The following XRCC4 variants were observed in gnomAD, a reference collection of about 807,000 sequenced individuals.
The protein encoded by XRCC4 is DNA repair protein XRCC4.
In XRCC4, 28 loss-of-function variants were observed where a neutral mutation model predicts 39.1. The observed-to-expected ratio is 0.72, with a 90% CI of 0.53 to 0.98. The LOEUF is 0.98. XRCC4 is among the 50% of genes least tolerant of loss of function. The pLI, the probability that XRCC4 is intolerant of heterozygous loss-of-function variation, is 0.00. For synonymous variants in XRCC4, 123 were observed against 126.4 expected (o/e 0.97, Z 0.18); for missense variants, 350 against 376.4 (o/e 0.93, Z 0.58).
intron 3 of XRCC4, among the ~76,000 whole-genome samples, chr5:83,142,730 A>C (rs1048753476): frequency 2.0e-5 from 3 of 152,186 alleles, no homozygotes; most frequent in African/African-American, 7.2e-5. Context: ...TACATCAGCA[A>C]AAGGAACCCG....
At chr5:83,131,728 G>A (rs1237707760) in intron 3 of XRCC4, among the ~76,000 whole-genome samples, 1 of 150,806 alleles carries the variant, frequency 6.6e-6, no homozygotes, top group Non-Finnish European at 1.5e-5. Context: ...TTTTCCATTT[G>A]CTTGGTGGAT....
intron 7 of XRCC4, among the ~76,000 whole-genome samples, chr5:83,315,924 T>G (rs993251432): frequency 2.6e-5 from 4 of 152,194 alleles, no homozygotes; most frequent in African/African-American, 4.8e-5. Context: ...AATTACATTT[T>G]GTAAGGCTAC....
intron 1 of XRCC4, among the ~76,000 whole-genome samples, chr5:83,078,221 T>C (rs1420189146): frequency 6.6e-6 from 1 of 152,240 alleles, no homozygotes; most frequent in Non-Finnish European, 1.5e-5. Context: ...ATTTTAATTA[T>C]CCCATTAGGT....
chr5:83,274,257 A>G (rs1476331290), intron 7 of XRCC4, among the ~76,000 whole-genome samples: 1 of 152,206 alleles, frequency 6.6e-6, no homozygotes, highest in African/African-American at 2.4e-5. Flanking sequence ...AAATTACACT[A>G]CAAAAGCATT....
intron 7 of XRCC4, among the ~76,000 whole-genome samples, chr5:83,339,538 G>A (rs1012754756): frequency 3.9e-5 from 6 of 151,932 alleles, no homozygotes; most frequent in Non-Finnish European, 1.5e-5. Flanking sequence ...ATGACTAGTT[G>A]ATGGGTGCGG....
intron 7 of XRCC4, among the ~76,000 whole-genome samples, chr5:83,276,385 A>T (rs377724156): frequency 1.3e-5 from 2 of 148,510 alleles, no homozygotes; most frequent in African/African-American, 4.9e-5. Flanking sequence ...GAGAGGTGAG[A>T]CCTTTAAGAG....
intron 7 of XRCC4, among the ~76,000 whole-genome samples, chr5:83,292,677 T>C (rs35268): frequency 0.18 from 27,470 of 151,896 alleles, 2,729 homozygotes; most frequent in African/African-American, 0.25. Context: ...TTCTCACTGT[T>C]ACAGGCTAGT....
intron 3 of XRCC4, among the ~76,000 whole-genome samples, chr5:83,191,541 A>G (rs1750693620): frequency 6.6e-6 from 1 of 152,240 alleles, no homozygotes; most frequent in African/African-American, 2.4e-5. Context: ...TGTATCTACT[A>G]AAAATACAAA....
intron 7 of XRCC4, among the ~76,000 whole-genome samples, chr5:83,283,261 A>C (rs1367384000): frequency 6.6e-6 from 1 of 152,184 alleles, no homozygotes; most frequent in Non-Finnish European, 1.5e-5. Flanking sequence ...CATTTGAAGA[A>C]ACTATGTCCA....
chr5:83,205,017 A>T, intron 6 of XRCC4, 96 bp downstream of exon 6: 1 of 796,420 alleles, frequency 1.3e-6, no homozygotes, highest in Non-Finnish European at 1.9e-6. Context: ...GTTGTGAAAG[A>T]CCTTATTCTA....
intron 7 of XRCC4, among the ~76,000 whole-genome samples, chr5:83,292,505 T>TA (rs1223466533): frequency 6.6e-6 from 1 of 151,998 alleles, no homozygotes; most frequent in Non-Finnish European, 1.5e-5. Flanking sequence ...ACATTTGACT[T>TA]ACCCACTGTT....
intron 7 of XRCC4, chr5:83,310,886 G>A (rs181497148): frequency 6.8e-5 from 31 of 456,052 alleles, no homozygotes; most frequent in African/African-American, 3.4e-4. Context: ...AAGGAGGAAC[G>A]TGAGCCAACA....
At chr5:83,271,893 T>G (rs1327607834) in intron 7 of XRCC4, among the ~76,000 whole-genome samples, 1 of 152,204 alleles carries the variant, frequency 6.6e-6, no homozygotes, top group Non-Finnish European at 1.5e-5. Context: ...CATTTAAAGA[T>G]AAACCTTTAC....
intron 1 of XRCC4, among the ~76,000 whole-genome samples, chr5:83,081,125 A>T (rs1321399109): frequency 6.6e-6 from 1 of 152,114 alleles, no homozygotes; most frequent in Non-Finnish European, 1.5e-5. Flanking sequence ...TGGGATATAC[A>T]CCCTTGGATA....
chr5:83,270,107 C>G (rs1380734717), intron 7 of XRCC4, among the ~76,000 whole-genome samples: 1 of 152,106 alleles, frequency 6.6e-6, no homozygotes, highest in Non-Finnish European at 1.5e-5. Context: ...CTAGATGCCT[C>G]GCATGCACAG....
chr5:83,341,312 A>G (rs1756751167), intron 7 of XRCC4, among the ~76,000 whole-genome samples: 1 of 152,194 alleles, frequency 6.6e-6, no homozygotes, highest in Non-Finnish European at 1.5e-5. Context: ...TATTGTAGAC[A>G]CATGAGCACA....
rs533963097 is a variant in XRCC4, at chr5:83,119,105, C to T, written c.315+7902C>T. On this transcript the variant is annotated intron_variant, in intron 3 of 7. Transcript: ENST00000396027. ...AAAACCAGTTTGCCAAAATAAACAT[C>T]CAGAGTTCTTTTTAAAAACAGCAGT... 6.6e-5 allele frequency among the ~76,000 whole-genome samples: 10 copies of T among 152,192 alleles called. No individual in the cohort carries two copies. In the East Asian group the frequency reaches 1.9e-3, roughly 29 times the overall value.
rs574747230 is a variant in XRCC4, at chr5:83,239,828, C to CAA, written c.746-18689_746-18688dup. On this transcript the variant is annotated intron_variant, in intron 6 of 7. Coordinates refer to ENST00000396027, the MANE Select transcript of XRCC4 (RefSeq NM_003401.5). ...TGGGTGACAGAGCAAGACTCTGTCT[C>CAA]AAAAAAAAAAAAAATATTTTTCCTT... Among the ~76,000 whole-genome samples, 373 of 121,580 alleles carry CAA rather than the reference C, an allele frequency of 3.1e-3. 1 individual carries two copies. The highest frequency in any genetic ancestry group is 0.011 in the African/African-American group (362 of 33,620). 79.8% of individuals were successfully genotyped at this position (121,580 alleles called of 152,430 possible).
chr5:83,129,266 G>A (rs1245334927), intron 3 of XRCC4, among the ~76,000 whole-genome samples: 1 of 147,594 alleles, frequency 6.8e-6, no homozygotes, highest in Non-Finnish European at 1.5e-5. Flanking sequence ...TCTCAGGTTT[G>A]TCAAAGATCA....
Sources: gnomAD v4.1 joint callset for allele counts (sites outside exome capture counted in the v4.1 genomes callset) on GRCh38, gnomAD v4.1.1 for gene constraint, MANE v1.5 for transcripts, NCBI Gene and HGNC (gene_info 2026-07-23, HGNC 2026-07-21) for gene names.